The following SLC4A10 variants were observed in gnomAD, a reference collection of about 807,000 sequenced individuals.
SLC4A10 encodes the protein sodium-driven chloride bicarbonate exchanger.
Under a neutral mutation model 137.7 loss-of-function variants are expected in SLC4A10, and 42 were observed. That is an observed-to-expected ratio of 0.30 (90% CI 0.24 to 0.39). SLC4A10 has a LOEUF of 0.39. SLC4A10 is among the 10% of genes least tolerant of loss of function. The pLI, the probability that SLC4A10 is intolerant of heterozygous loss-of-function variation, is 1.00. For missense variants in SLC4A10, 925 were observed against 1,355.0 expected (o/e 0.68, Z 4.98); for synonymous variants, 474 against 464.1 (o/e 1.02, Z -0.27).
intron 3 of SLC4A10, among the ~76,000 whole-genome samples, chr2:161,838,626 C>A (rs1048564793): frequency 8.6e-5 from 13 of 152,046 alleles, no homozygotes; most frequent in Non-Finnish European, 1.3e-4. Flanking sequence ...TCTCAAAACT[C>A]GACAGTAAGG....
At chr2:161,765,511 G>C (rs1200183217) in intron 1 of SLC4A10, among the ~76,000 whole-genome samples, 3 of 151,652 alleles carry the variant, frequency 2.0e-5, no homozygotes, top group African/African-American at 4.8e-5. Flanking sequence ...GGAGGCTGAG[G>C]CAGGAGAATT....
Position 161,958,572 on chromosome 2 carries a change from A to G in SLC4A10, c.2862+17A>G, listed in dbSNP as rs765976890. On this transcript the variant is annotated intron_variant, in intron 21 of 26. Transcript: ENST00000446997. ...GGAATTCAGGTAAATTACTTACAGT[A>G]CTACAGGCACATCTGTGATGACTGA... 1 of 1,582,502 alleles carries G rather than the reference A, an allele frequency of 6.3e-7. No individual in the cohort carries two copies. The highest frequency in any genetic ancestry group is 8.7e-7 in the Non-Finnish European group (1 of 1,155,972).
chr2:161,863,799 T>C (rs2060573856), intron 6 of SLC4A10, among the ~76,000 whole-genome samples: 1 of 152,230 alleles, frequency 6.6e-6, no homozygotes, highest in African/African-American at 2.4e-5. Flanking sequence ...ATAAGGAAGT[T>C]GCTTAGGAAT....
chr2:161,671,213 C>T (rs1031344379), intron 1 of SLC4A10, among the ~76,000 whole-genome samples: 6 of 152,096 alleles, frequency 3.9e-5, no homozygotes, highest in Non-Finnish European at 7.4e-5. Flanking sequence ...GGTTCTCTCC[C>T]TTCCAACTCT....
intron 16 of SLC4A10, 89 bp from the exon 17 acceptor site, chr2:161,947,477 A>G: frequency 1.5e-6 from 2 of 1,332,902 alleles, no homozygotes; most frequent in East Asian, 2.5e-5. Flanking sequence ...CAGCATCTGA[A>G]CTACAATTGA....
chr2:161,652,298 C>A (rs966929475), intron 1 of SLC4A10, among the ~76,000 whole-genome samples: 4 of 152,096 alleles, frequency 2.6e-5, no homozygotes, highest in African/African-American at 9.7e-5. Context: ...ATGCATATTT[C>A]TTTTACACGT....
intron 1 of SLC4A10, among the ~76,000 whole-genome samples, chr2:161,720,010 G>A (rs1208501576): frequency 1.3e-5 from 2 of 152,138 alleles, no homozygotes; most frequent in African/African-American, 4.8e-5. Context: ...TTTTCTTCTA[G>A]GGTTTTTATG....
At chr2:161,802,049 A>G (rs1006534626) in intron 2 of SLC4A10, among the ~76,000 whole-genome samples, 4 of 152,088 alleles carry the variant, frequency 2.6e-5, no homozygotes, top group African/African-American at 9.7e-5. Context: ...TTTTTCCAAA[A>G]TTGAGCCTTA....
At chr2:161,684,207 T>C (rs2041158758) in intron 1 of SLC4A10, among the ~76,000 whole-genome samples, 1 of 152,232 alleles carries the variant, frequency 6.6e-6, no homozygotes, top group Non-Finnish European at 1.5e-5. Context: ...TGTTGTAGCA[T>C]GTATCAGAAT....
At chr2:161,704,554 T>C (rs2043453501) in intron 1 of SLC4A10, among the ~76,000 whole-genome samples, 1 of 151,440 alleles carries the variant, frequency 6.6e-6, no homozygotes, top group African/African-American at 2.4e-5. Context: ...AACAATGAAG[T>C]CTGTAGGTAT....
chr2:161,635,317 A>G (rs930558960), intron 1 of SLC4A10, among the ~76,000 whole-genome samples: 5 of 151,862 alleles, frequency 3.3e-5, no homozygotes, highest in Admixed American at 1.3e-4. Context: ...GTAGAGAAAG[A>G]CTCTCTGGTG....
chr2:161,756,931 T>C lies in SLC4A10; in HGVS notation c.49-14042T>C, dbSNP rs193015799. Among the ~76,000 whole-genome samples the C allele has an allele frequency of 1.1e-4, 16 of 152,322 alleles. 1 individual carries two copies. Among genetic ancestry groups the C allele is most frequent in the Admixed American group, 9.2e-4 (14 of 15,288 alleles). On this transcript the variant is annotated intron_variant, in intron 1 of 26. Transcript: ENST00000446997. ...AATGTTATTTTGTCTATTTAGAATT[T>C]TATTATTGCTAATGTTATTTATGTG...
chr2:161,882,248 G>C (rs887531579), intron 9 of SLC4A10, 109 bp from the exon 10 acceptor site: 4 of 575,888 alleles, frequency 6.9e-6, no homozygotes, highest in Non-Finnish European at 1.1e-5. Flanking sequence ...GGAAGTATTT[G>C]CCATCACAAT....
Position 161,670,791 on chromosome 2 carries a change from G to A in SLC4A10, c.48+46225G>A, listed in dbSNP as rs112367087. On this transcript the variant is annotated intron_variant, in intron 1 of 26. Coordinates refer to ENST00000446997, the MANE Select transcript of SLC4A10 (RefSeq NM_001178015.2). ...CACATAATTCTTTCTACTTCAGTAT[G>A]ACATTTCCTGTAGTCAGGAAATTAA... Among the ~76,000 whole-genome samples the A allele has an allele frequency of 5.9e-3, 901 of 152,020 alleles. 9 individuals carry two copies. Among genetic ancestry groups the A allele is most frequent in the African/African-American group, 0.02 (809 of 41,472 alleles).
chr2:161,713,104 G>A (rs892944125), intron 1 of SLC4A10, among the ~76,000 whole-genome samples: 2 of 151,806 alleles, frequency 1.3e-5, no homozygotes, highest in Non-Finnish European at 2.9e-5. Flanking sequence ...ATCATTAAAG[G>A]TAGGGAGGCA....
chr2:161,681,683 T>C (rs1347746768), intron 1 of SLC4A10, among the ~76,000 whole-genome samples: 14 of 152,138 alleles, frequency 9.2e-5, no homozygotes, highest in Admixed American at 8.5e-4. Flanking sequence ...CTGCAGGACA[T>C]TTACAGCTAT....
At chr2:161,655,664 T>C (rs2037412748) in intron 1 of SLC4A10, among the ~76,000 whole-genome samples, 1 of 152,138 alleles carries the variant, frequency 6.6e-6, no homozygotes, top group African/African-American at 2.4e-5. Flanking sequence ...GAGGAGGGAA[T>C]ATATTTAAAT....
chr2:161,651,896 C>T (rs533676074), intron 1 of SLC4A10, among the ~76,000 whole-genome samples: 1 of 152,306 alleles, frequency 6.6e-6, no homozygotes, highest in Middle Eastern at 3.4e-3. Flanking sequence ...GCAGAATGAT[C>T]CCAGTGGACC....
chr2:161,865,692 A>C (rs1454287372), intron 6 of SLC4A10, among the ~76,000 whole-genome samples: 1 of 152,000 alleles, frequency 6.6e-6, no homozygotes, highest in Non-Finnish European at 1.5e-5. Context: ...CTCCTACCCA[A>C]AAGTGAAAAA....
Sources: allele counts gnomAD v4.1 joint callset (sites outside exome capture counted in the v4.1 genomes callset), GRCh38; gene constraint gnomAD v4.1.1; transcripts MANE v1.5; gene names NCBI Gene and HGNC (gene_info 2026-07-23, HGNC 2026-07-21).